The following ASS1 variants were observed in gnomAD, a reference collection of about 807,000 sequenced individuals.
ASS1 encodes argininosuccinate synthase.
A neutral mutation model predicts 60.5 loss-of-function variants in ASS1; 58 were observed. The observed-to-expected ratio is 0.96, with a 90% CI of 0.78 to 1.19. ASS1 has a LOEUF of 1.19. Ranked by LOEUF, ASS1 falls within the 50% of genes most tolerant of loss-of-function variation. The pLI, the probability that ASS1 is intolerant of heterozygous loss-of-function variation, is 0.00. For synonymous variants in ASS1, 200 were observed against 206.9 expected, an observed-to-expected ratio of 0.97 and a Z score of 0.29; for missense variants, 454 against 547.3, an observed-to-expected ratio of 0.83 and a Z score of 1.70.
In ASS1 at chr9:130,460,414, G is replaced by A. The variant is rs186650028; in HGVS notation, c.363+1825G>A. 1.6e-4 allele frequency among the ~76,000 whole-genome samples: 24 copies of A among 152,306 alleles called. No homozygotes were observed. The East Asian group carries it at 4.6e-3, about 29-fold the overall frequency. Reference sequence around the variant, plus strand: ...AGTGCTAACTTCTTGGGCTCATTGCGTACCTTCAGAGAGCCCATTTCCTGG... The same window carrying A: ...AGTGCTAACTTCTTGGGCTCATTGCATACCTTCAGAGAGCCCATTTCCTGG... On this transcript the variant is annotated intron_variant, in intron 4 of 14. Transcript: ENST00000352480.
rs1459263153 is a variant in ASS1, at chr9:130,459,783, A to G, written c.363+1194A>G. Among the ~76,000 whole-genome samples the G allele has an allele frequency of 3.9e-5, 6 of 152,272 alleles. No individual in the cohort carries two copies. In the East Asian group the frequency reaches 1.2e-3, roughly 29 times the overall value. The stretch of plus-strand genomic sequence containing the variant: ...ACCACATGAGGCCACATTCGGAGGG[A>G]CTGGGGTTAGGACTTGAACCCATTA... On this transcript the variant is annotated intron_variant, in intron 4 of 14. Coordinates refer to ENST00000352480, the MANE Select transcript of ASS1 (RefSeq NM_054012.4). The surrounding 1 kb of genome is among the most constrained non-coding windows in gnomAD (Gnocchi z 4.6).
In ASS1 at chr9:130,452,330, T is replaced by C. The variant is rs1236633346; in HGVS notation, c.102T>C (p.Tyr34=). The change falls in exon 2 of 15, where the codon TAT becomes TAC. Residue 34 remains tyrosine (Y), a synonymous_variant. Coordinates refer to ENST00000352480, the MANE Select transcript of ASS1 (RefSeq NM_054012.4). ...LKEQGYDVIA[Y]LANIGQKEDF... is the part of the protein sequence containing the mutation. The stretch of plus-strand genomic sequence containing the variant: ...AACAAGGCTATGACGTCATTGCCTA[T>C]CTGGTGAGGGAGCGACCTGGGTGTC... 1 of 1,613,512 alleles carries C rather than the reference T, an allele frequency of 6.2e-7. No individual in the cohort carries two copies. Among genetic ancestry groups the C allele is most frequent in the Admixed American group, 1.7e-5 (1 of 60,024 alleles).
chr9:130,461,118 A>C (rs1369226478), intron 4 of ASS1, among the ~76,000 whole-genome samples: 1 of 148,298 alleles, frequency 6.7e-6, no homozygotes, highest in Non-Finnish European at 1.5e-5. Flanking sequence ...AGGGGATCAG[A>C]ATTCTGGGAG....
At chr9:130,450,515 C>G (rs533855091) in intron 1 of ASS1, among the ~76,000 whole-genome samples, 2 of 152,186 alleles carry the variant, frequency 1.3e-5, no homozygotes, top group African/African-American at 4.8e-5. Flanking sequence ...TTGTGGGCAC[C>G]GACCAGAACC....
chr9:130,450,107 G>GC (rs1478559897), intron 1 of ASS1, among the ~76,000 whole-genome samples: 5 of 152,170 alleles, frequency 3.3e-5, no homozygotes, highest in Non-Finnish European at 7.3e-5. Flanking sequence ...GCCTTCTGGA[G>GC]CAGGGGGCAG....
chr9:130,476,725 G>A lies in ASS1; in HGVS notation c.598-146G>A. 1.3e-6 allele frequency: 1 copy of A among 799,202 alleles called. No homozygotes were observed. The highest frequency in any genetic ancestry group is 1.4e-5 in the South Asian group (1 of 72,876). 49.5% of individuals were successfully genotyped at this position (799,202 alleles called of 1,614,324 possible). On this transcript the variant is annotated intron_variant, in intron 8 of 14. Transcript: ENST00000352480. The surrounding 1 kb of genome is among the most constrained non-coding windows in gnomAD (Gnocchi z 4.9). ...GCAAGCGAGGCTGGTGCTAGGCTGA[G>A]GGCTGGGGACCGGGGGATCTGCCGG...
At chr9:130,449,173 A>C (rs1588468667) in intron 1 of ASS1, among the ~76,000 whole-genome samples, 1 of 152,032 alleles carries the variant, frequency 6.6e-6, no homozygotes, top group Non-Finnish European at 1.5e-5. Flanking sequence ...TCTACAAAAA[A>C]TACAAAAATT....
intron 8 of ASS1, among the ~76,000 whole-genome samples, chr9:130,474,456 G>A (rs1350452000): frequency 6.6e-6 from 1 of 152,130 alleles, no homozygotes; most frequent in African/African-American, 2.4e-5. Context: ...GTTGACAGTC[G>A]GGCCCAGCGC....
At position 130,464,185 on chromosome 9, in the gene ASS1, C is replaced by T; in HGVS notation, c.420+18C>T. Reference sequence around the variant, plus strand: ...AGATAAAGGTAGGATGTGGCTCCTCCCCTTAGCAGGGAGCACTAGCATCTG... The same window carrying T: ...AGATAAAGGTAGGATGTGGCTCCTCTCCTTAGCAGGGAGCACTAGCATCTG... On this transcript the variant is annotated intron_variant, in intron 5 of 14. Transcript: ENST00000352480. 6.2e-7 allele frequency: 1 copy of T among 1,613,662 alleles called. No homozygotes were observed. The highest frequency in any genetic ancestry group is 8.5e-7 in the Non-Finnish European group (1 of 1,179,532).
chr9:130,501,274 AGTGAGTGTGTGTGT>A (rs1846749906), downstream of ASS1: 10 of 446,730 alleles, frequency 2.2e-5, no homozygotes, highest in South Asian at 8.6e-5. Flanking sequence ...TTTTATTTCT[AGTGAGTGTGTGTGT>A]GTGTGTGTGT....
intron 3 of ASS1, among the ~76,000 whole-genome samples, chr9:130,457,675 C>T (rs1375530856): frequency 6.6e-6 from 1 of 152,084 alleles, no homozygotes. Context: ...ATTCCACCCC[C>T]CACCTGGTAG....
intron 1 of ASS1, among the ~76,000 whole-genome samples, chr9:130,448,421 C>T (rs1430061898): frequency 3.6e-5 from 3 of 82,534 alleles, no homozygotes; most frequent in African/African-American, 9.8e-5. Flanking sequence ...TGTGTGCGCG[C>T]GCACACACAC....
At position 130,494,871 on chromosome 9, in the gene ASS1, C is replaced by T. The variant is rs1846540551; in HGVS notation, c.975C>T (p.Phe325=). ...LKFAELVYTG[F]WHSPECEFVR... is the part of the protein sequence containing the mutation. ...ATCCTGTTTTCCTCCCTGTAGGTTT[C>T]TGGCACAGCCCTGAGTGTGAATTTG... is the stretch of plus-strand genomic sequence containing the variant. Residue 325 remains phenylalanine (F), a synonymous_variant, in exon 13 of 15, where the codon TTC becomes TTT. Transcript: ENST00000352480. The surrounding 1 kb of genome is among the most constrained non-coding windows in gnomAD (Gnocchi z 4.3). 6.2e-7 allele frequency: 1 copy of T among 1,613,294 alleles called. No homozygotes were observed. The highest frequency in any genetic ancestry group is 1.3e-5 in the African/African-American group (1 of 74,904).
chr9:130,497,114 CTCTTTCT>C (rs1773421427), intron 13 of ASS1, among the ~76,000 whole-genome samples: 1 of 152,198 alleles, frequency 6.6e-6, no homozygotes, highest in Non-Finnish European at 1.5e-5. Context: ...CTCTCTCTGG[CTCTTTCT>C]TCCCTCCCCC....
chr9:130,492,892 G>T (rs932796824), intron 12 of ASS1, among the ~76,000 whole-genome samples: 2 of 152,176 alleles, frequency 1.3e-5, no homozygotes, highest in African/African-American at 4.8e-5. Context: ...CCCCAACCCA[G>T]GCTGGGTCCG....
At chr9:130,485,678 A>G (rs142297110) in intron 11 of ASS1, among the ~76,000 whole-genome samples, 38 of 152,300 alleles carry the variant, frequency 2.5e-4, no homozygotes, top group African/African-American at 5.1e-4. Context: ...GAATTTTCCA[A>G]AATGTACCCA....
At chr9:130,446,497 G>A (rs1845199840) in intron 1 of ASS1, among the ~76,000 whole-genome samples, 1 of 152,276 alleles carries the variant, frequency 6.6e-6, no homozygotes, top group South Asian at 2.1e-4. Flanking sequence ...AGTAATTCTG[G>A]TTCTGCTCTG....
Position 130,477,220 on chromosome 9 carries a change from G to A in ASS1, c.688+259G>A, listed in dbSNP as rs1303280176. Among the ~76,000 whole-genome samples the A allele has an allele frequency of 6.6e-6, 1 of 152,194 alleles. No individual in the cohort carries two copies. Among genetic ancestry groups the A allele is most frequent in the Non-Finnish European group, 1.5e-5 (1 of 68,042 alleles). ...GGTTCATGGGCACCAGGTCTGGAAT[G>A]AGAGCGCTCTAGTCCCTGAACAGCC... is the stretch of plus-strand genomic sequence containing the variant. On this transcript the variant is annotated intron_variant, in intron 9 of 14. Transcript: ENST00000352480. This position sits in a 1 kb window ranked among gnomAD's most constrained non-coding sequence, Gnocchi z 4.2.
intron 12 of ASS1, among the ~76,000 whole-genome samples, chr9:130,492,747 G>A (rs138299668): frequency 2.6e-5 from 4 of 152,308 alleles, no homozygotes; most frequent in Admixed American, 6.5e-5. Flanking sequence ...AGAAAGGATC[G>A]CATGTGTTTG....
Sources: allele counts gnomAD v4.1 joint callset (sites outside exome capture counted in the v4.1 genomes callset), GRCh38; gene constraint gnomAD v4.1.1; non-coding constraint Gnocchi (gnomAD v3.1); transcripts MANE v1.5; gene names NCBI Gene and HGNC (gene_info 2026-07-23, HGNC 2026-07-21).